DPYD: variants seen among roughly 807,000 people sequenced by gnomAD.
DPYD encodes dihydropyrimidine dehydrogenase, also known as dihydropyrimidine dehydrogenase [NADP(+)].
A neutral mutation model predicts 116.2 loss-of-function variants in DPYD; 109 were observed. The observed-to-expected ratio is 0.94, with a 90% CI of 0.80 to 1.10. The LOEUF (loss-of-function observed/expected upper bound fraction) is 1.10. Ranked by LOEUF, DPYD falls within the 50% of genes least tolerant of loss-of-function variation. The pLI is 0.00. For missense variants in DPYD, 1,302 were observed against 1,254.5 expected (o/e 1.04, Z -0.57); for synonymous variants, 440 against 432.0 (o/e 1.02, Z -0.23).
chr1:97,540,988 T>A (rs973510037), intron 12 of DPYD, among the ~76,000 whole-genome samples: 1 of 152,194 alleles, frequency 6.6e-6, no homozygotes, highest in African/African-American at 2.4e-5. Flanking sequence ...AGTCTCTATT[T>A]GGTGCTTTTG....
chr1:97,784,913 A>T (rs1037389511), intron 3 of DPYD, among the ~76,000 whole-genome samples: 11 of 152,242 alleles, frequency 7.2e-5, no homozygotes, highest in African/African-American at 2.7e-4. Context: ...AGATGCTAGG[A>T]AAACAATTCC....
intron 16 of DPYD, among the ~76,000 whole-genome samples, chr1:97,306,531 G>A (rs377111965): frequency 6.6e-6 from 1 of 151,910 alleles, no homozygotes; most frequent in African/African-American, 2.4e-5. Flanking sequence ...TTCCTCAACA[G>A]AGCCTTTAGA....
chr1:97,668,442 A>G (rs1659679671), intron 8 of DPYD, among the ~76,000 whole-genome samples: 1 of 152,114 alleles, frequency 6.6e-6, no homozygotes, highest in African/African-American at 2.4e-5. Context: ...ACAGAACTCA[A>G]TAAATGTAGC....
intron 5 of DPYD, among the ~76,000 whole-genome samples, chr1:97,701,851 A>G (rs938159463): frequency 6.6e-6 from 1 of 151,820 alleles, no homozygotes; most frequent in Non-Finnish European, 1.5e-5. Flanking sequence ...TTCCTCTCTT[A>G]GACCATAAAA....
At chr1:97,450,260 C>G in intron 13 of DPYD, 37 bp from the exon 14 acceptor site, 2 of 1,608,262 alleles carry the variant, frequency 1.2e-6, no homozygotes, top group African/African-American at 1.3e-5. Context: ...CTCCTTTTGA[C>G]AAAGAAAAGC....
chr1:97,227,074 T>A (rs999802122), intron 19 of DPYD, among the ~76,000 whole-genome samples: 12 of 152,032 alleles, frequency 7.9e-5, no homozygotes, highest in Non-Finnish European at 1.8e-4. Flanking sequence ...ACTCCTTTAA[T>A]CCCAGTCTTT....
At chr1:97,909,249 C>G (rs140453883) in intron 1 of DPYD, among the ~76,000 whole-genome samples, 1 of 151,920 alleles carries the variant, frequency 6.6e-6, no homozygotes, top group Non-Finnish European at 1.5e-5. Flanking sequence ...TTTTTTGTTC[C>G]GCCACCCAAT....
intron 3 of DPYD, among the ~76,000 whole-genome samples, chr1:97,753,470 G>A (rs1665049342): frequency 6.6e-6 from 1 of 152,042 alleles, no homozygotes; most frequent in Non-Finnish European, 1.5e-5. Flanking sequence ...CCAGCCTGTG[G>A]GGATCATCAT....
intron 14 of DPYD, among the ~76,000 whole-genome samples, chr1:97,417,920 T>C (rs1298529476): frequency 6.6e-6 from 1 of 152,216 alleles, no homozygotes; most frequent in Non-Finnish European, 1.5e-5. Flanking sequence ...ATATTAAACA[T>C]ACTCCCTTCA....
chr1:97,140,178 G>A (rs1654109880), intron 20 of DPYD, among the ~76,000 whole-genome samples: 1 of 152,090 alleles, frequency 6.6e-6, no homozygotes. Context: ...GTTAAAGTAA[G>A]GAGGCTGGTG....
intron 16 of DPYD, among the ~76,000 whole-genome samples, chr1:97,367,086 G>T (rs754766366): frequency 6.6e-6 from 1 of 152,102 alleles, no homozygotes; most frequent in Non-Finnish European, 1.5e-5. Context: ...TGCTAAGCCA[G>T]CTGCTGAAGG....
intron 8 of DPYD, among the ~76,000 whole-genome samples, chr1:97,599,506 C>T (rs1048607683): frequency 2.0e-5 from 3 of 152,002 alleles, no homozygotes; most frequent in African/African-American, 7.2e-5. Flanking sequence ...ATAATGTTTG[C>T]TTGTGTTACT....
intron 20 of DPYD, among the ~76,000 whole-genome samples, chr1:97,140,561 T>C (rs2101693001): frequency 6.6e-6 from 1 of 152,272 alleles, no homozygotes; most frequent in Middle Eastern, 3.4e-3. Context: ...AATCATCTTT[T>C]AGCCTCATAT....
At chr1:97,108,684 AT>A (rs1173221438) in intron 20 of DPYD, among the ~76,000 whole-genome samples, 1 of 152,074 alleles carries the variant, frequency 6.6e-6, no homozygotes, top group African/African-American at 2.4e-5. Context: ...AACTAAAAAT[AT>A]TTTTTTAATG....
intron 13 of DPYD, among the ~76,000 whole-genome samples, chr1:97,498,599 C>T (rs1031251129): frequency 6.6e-6 from 1 of 151,440 alleles, no homozygotes; most frequent in Non-Finnish European, 1.5e-5. Flanking sequence ...AGAATTCACT[C>T]TTGTGATGGC....
chr1:97,695,268 T>C (rs1296056513), intron 6 of DPYD, among the ~76,000 whole-genome samples: 1 of 151,768 alleles, frequency 6.6e-6, no homozygotes, highest in Non-Finnish European at 1.5e-5. Flanking sequence ...TCATTTTTTG[T>C]TTTACAGGAA....
chr1:97,623,343 G>T (rs576936304), intron 8 of DPYD, among the ~76,000 whole-genome samples: 1 of 152,198 alleles, frequency 6.6e-6, no homozygotes, highest in South Asian at 2.1e-4. Context: ...TACTCATAAA[G>T]CTAGAGCAGG....
intron 14 of DPYD, among the ~76,000 whole-genome samples, chr1:97,444,965 C>A (rs1398310241): frequency 1.3e-5 from 2 of 152,026 alleles, no homozygotes; most frequent in Non-Finnish European, 2.9e-5. Context: ...CAATAAGATA[C>A]CAAATTATAA....
At chr1:97,191,316 A>G (rs1364081094) in intron 20 of DPYD, among the ~76,000 whole-genome samples, 1 of 152,128 alleles carries the variant, frequency 6.6e-6, no homozygotes, top group East Asian at 1.9e-4. Flanking sequence ...AGGGATAATC[A>G]CCTATTGTTT....
Sources: gnomAD v4.1 joint callset for allele counts (sites outside exome capture counted in the v4.1 genomes callset) on GRCh38, gnomAD v4.1.1 for gene constraint, MANE v1.5 for transcripts, NCBI Gene and HGNC (gene_info 2026-07-23, HGNC 2026-07-21) for gene names.